UGT1A9: variants seen among roughly 807,000 people sequenced by gnomAD.
UGT1A9 encodes UDP glucuronosyltransferase family 1 member A9, also known as UDP-glucuronosyltransferase 1A9.
In UGT1A9, 35 loss-of-function variants were observed where a neutral mutation model predicts 45.0. The ratio of observed to expected loss-of-function variants is 0.78; its 90% CI spans 0.59 to 1.03. The LOEUF is 1.03. UGT1A9 is among the 50% of genes least tolerant of loss of function. UGT1A9 has a pLI of 0.00. For missense variants in UGT1A9, 687 were observed against 666.6 expected (o/e 1.03, Z -0.34); for synonymous variants, 278 against 250.6 (o/e 1.11, Z -1.03).
chr2:233,753,691 A>G (rs900061019), intron 1 of UGT1A9: 3 of 152,228 alleles, frequency 2.0e-5, no homozygotes, highest in Admixed American at 6.5e-5. Context: ...ACAATATTAC[A>G]GATGCACTTG....
chr2:233,729,312 C>T, intron 1 of UGT1A9: 1 of 1,614,236 alleles, frequency 6.2e-7, no homozygotes, highest in South Asian at 1.1e-5. Context: ...TGGTCCTCAC[C>T]CCAGAGGTGA....
In UGT1A9 at chr2:233,676,738, T is replaced by C. The variant is rs187995028; in HGVS notation, c.855+3949T>C. Among the ~76,000 whole-genome samples, 375 of 152,302 alleles carry C rather than the reference T, an allele frequency of 2.5e-3. 1 individual carries two copies. Among genetic ancestry groups the C allele is most frequent in the African/African-American group, 8.4e-3 (350 of 41,570 alleles). ...GTGTGTGTTTTGCCTGATGTTTTCA[T>C]CGTGGTAAAACTGGGTTTATAGACT... On this transcript the variant is annotated intron_variant, in intron 1 of 4. Coordinates refer to ENST00000354728, the MANE Select transcript of UGT1A9 (RefSeq NM_021027.3).
intron 1 of UGT1A9, among the ~76,000 whole-genome samples, chr2:233,717,379 C>T (rs2076569575): frequency 6.6e-6 from 1 of 152,218 alleles, no homozygotes; most frequent in Non-Finnish European, 1.5e-5. Flanking sequence ...CCTTACAGAC[C>T]TGCCCTCTCT....
intron 1 of UGT1A9, among the ~76,000 whole-genome samples, chr2:233,739,663 T>C (rs1172475020): frequency 6.6e-6 from 1 of 152,246 alleles, no homozygotes; most frequent in Non-Finnish European, 1.5e-5. Context: ...ACCCCCATTG[T>C]GTCTTGGAAG....
chr2:233,690,781 AC>A (rs1264855580), intron 1 of UGT1A9: 128 of 621,102 alleles, frequency 2.1e-4, no homozygotes, highest in Non-Finnish European at 2.5e-4. Flanking sequence ...ACACATACAC[AC>A]ACACACACAC....
chr2:233,720,278 T>A (rs1449886876), intron 1 of UGT1A9, among the ~76,000 whole-genome samples: 2 of 151,854 alleles, frequency 1.3e-5, no homozygotes. Flanking sequence ...CTGAGAAAAG[T>A]TTTTCTGACC....
At chr2:233,682,196 G>A in intron 1 of UGT1A9, 1 of 1,614,190 alleles carries the variant, frequency 6.2e-7, no homozygotes, top group Non-Finnish European at 8.5e-7. Context: ...GGAGGATCAG[G>A]ACCGGGAGTT....
chr2:233,679,365 T>C (rs754142123), intron 1 of UGT1A9, among the ~76,000 whole-genome samples: 1 of 152,210 alleles, frequency 6.6e-6, no homozygotes, highest in Non-Finnish European at 1.5e-5. Context: ...ACAATAAAAC[T>C]GTCAGTGAGT....
intron 1 of UGT1A9, chr2:233,691,625 G>C (rs2075050475): frequency 1.0e-6 from 1 of 985,518 alleles, no homozygotes. Flanking sequence ...CCTCAGCAGT[G>C]TGGTTAGCAG....
In UGT1A9 at chr2:233,760,715, G is replaced by A. The variant is rs1559407347; in HGVS notation, c.856-6319G>A. ...GAGCTCATGGCCTCCCTGGCAGAAA[G>A]CAGCTTTGATGTCATGCTGACGGAC... is the stretch of plus-strand genomic sequence containing the variant. On this transcript the variant is annotated intron_variant, in intron 1 of 4. Transcript: ENST00000354728. The A allele has an allele frequency of 1.2e-6, 2 of 1,614,196 alleles. No individual in the cohort carries two copies. The highest frequency in any genetic ancestry group is 1.3e-5 in the African/African-American group (1 of 75,042).
intron 1 of UGT1A9, chr2:233,692,853 GT>G: frequency 1.4e-6 from 2 of 1,463,024 alleles, no homozygotes; most frequent in Non-Finnish European, 1.8e-6. Flanking sequence ...ATTAATTTGG[GT>G]TCTTACATAT....
intron 1 of UGT1A9, chr2:233,747,116 T>G: frequency 6.9e-7 from 1 of 1,446,720 alleles, no homozygotes; most frequent in South Asian, 1.3e-5. Context: ...CATGATGATT[T>G]GCTAAGTGGC....
chr2:233,721,249 T>C (rs2076931070), intron 1 of UGT1A9, among the ~76,000 whole-genome samples: 1 of 152,214 alleles, frequency 6.6e-6, no homozygotes, highest in Non-Finnish European at 1.5e-5. Flanking sequence ...GTAAAAAATA[T>C]ATATGTTCTT....
At chr2:233,697,815 A>T (rs1380168225) in intron 1 of UGT1A9, among the ~76,000 whole-genome samples, 2 of 152,006 alleles carry the variant, frequency 1.3e-5, no homozygotes, top group African/African-American at 4.8e-5. Context: ...TTTCTTTTTA[A>T]TTTCAAGAAA....
chr2:233,704,333 TTTAAAAAG>T (rs2075781731), intron 1 of UGT1A9, among the ~76,000 whole-genome samples: 1 of 150,642 alleles, frequency 6.6e-6, no homozygotes, highest in Non-Finnish European at 1.5e-5. Flanking sequence ...CTTTCCACTA[TTTAAAAAG>T]TTGTGTTCTG....
intron 1 of UGT1A9, chr2:233,713,632 T>G: frequency 3.1e-6 from 5 of 1,613,964 alleles, no homozygotes; most frequent in Non-Finnish European, 3.4e-6. Flanking sequence ...GTCAAGAACA[T>G]GCTCTACCCT....
intron 1 of UGT1A9, among the ~76,000 whole-genome samples, chr2:233,724,368 T>C (rs1161929215): frequency 2.1e-4 from 26 of 126,786 alleles, no homozygotes; most frequent in South Asian, 9.2e-4. Context: ...CCGGACGGGG[T>C]GGCTGCCGGG....
At chr2:233,717,046 C>T (rs1379018729) in intron 1 of UGT1A9, among the ~76,000 whole-genome samples, 1 of 152,138 alleles carries the variant, frequency 6.6e-6, no homozygotes, top group African/African-American at 2.4e-5. Flanking sequence ...CATGGGCCTC[C>T]GCAGGGTCTA....
Position 233,722,378 on chromosome 2 carries a change from G to A in UGT1A9, c.856-44656G>A, listed in dbSNP as rs140434446. Among the ~76,000 whole-genome samples, 1,163 of 152,214 alleles carry A rather than the reference G, an allele frequency of 7.6e-3. 5 individuals are homozygous for A. The highest frequency in any genetic ancestry group is 8.8e-3 in the Non-Finnish European group (598 of 68,014). On this transcript the variant is annotated intron_variant, in intron 1 of 4. Coordinates refer to ENST00000354728, the MANE Select transcript of UGT1A9 (RefSeq NM_021027.3). ...TACAAGACTAAAGTTGAAATCTTACGTTTCTTCTCCCTCTCTTTCTCCTTG... is the reference window on the plus strand; with the variant it reads ...TACAAGACTAAAGTTGAAATCTTACATTTCTTCTCCCTCTCTTTCTCCTTG...
Sources: allele counts gnomAD v4.1 joint callset (sites outside exome capture counted in the v4.1 genomes callset), GRCh38; gene constraint gnomAD v4.1.1; transcripts MANE v1.5; gene names NCBI Gene and HGNC (gene_info 2026-07-23, HGNC 2026-07-21).